Variants in MIB2 observed in about 807,000 individuals in gnomAD.
MIB2 encodes the protein E3 ubiquitin-protein ligase MIB2.
In MIB2, 78 loss-of-function variants were observed where a neutral mutation model predicts 96.6. The ratio of observed to expected loss-of-function variants is 0.81; its 90% CI spans 0.67 to 0.97. The LOEUF is 0.97. Among genes scored for constraint, MIB2 ranks in the 50% least tolerant of loss-of-function variants. The probability of loss-of-function intolerance (pLI) is 0.00; values close to 1 mark genes in which losing one functional copy is unlikely to be tolerated. For synonymous variants in MIB2, 820 were observed against 629.5 expected (o/e 1.30, Z -4.53); for missense variants, 1,543 against 1,424.0 (o/e 1.08, Z -1.35).
At position 1,626,928 on chromosome 1, in the gene MIB2, C is replaced by T. The variant is rs1330710852; in HGVS notation, c.1169C>T (p.Ser390Phe). ...GGTCAGCGGTGGACCTTCAGCCCCTCCTGCCTGGTGGCCTACCGGCCCGAG... is the reference window on the plus strand; with the variant it reads ...GGTCAGCGGTGGACCTTCAGCCCCTTCTGCCTGGTGGCCTACCGGCCCGAG... Reference protein sequence around the residue: ...VAGQRWTFSPSCLVAYRPEED... With the variant: ...VAGQRWTFSPFCLVAYRPEED... The change falls in exon 10 of 20, where the codon TCC becomes TTC. Residue 390 changes from serine (S) to phenylalanine (F), a missense_variant. Physicochemically the swap from Ser to Phe is radical, Grantham distance 155 (BLOSUM62 -2). Coordinates refer to ENST00000355826, the MANE Select transcript of MIB2 (RefSeq NM_001170687.4). The surrounding 1 kb of genome is among the most constrained non-coding windows in gnomAD (Gnocchi z 5.3). The T allele has an allele frequency of 1.9e-6, 3 of 1,610,402 alleles. No individual in the cohort carries two copies. Among genetic ancestry groups the T allele is most frequent in the Non-Finnish European group, 2.5e-6 (3 of 1,179,542 alleles).
intron 4 of MIB2, chr1:1,624,219 G>T: frequency 1.9e-6 from 1 of 519,074 alleles, no homozygotes; most frequent in Admixed American, 3.4e-5. Flanking sequence ...GCCAGCACCT[G>T]GGCTGTCTTG....
chr1:1,615,705 C>T lies in MIB2; in HGVS notation c.-130+72C>T, dbSNP rs887610564. ...CGAGTCGTTCTCCGCTCTGGCAGAA[C>T]GCGAGCGCCGTCCGGTTCCCGCTCC... On this transcript the variant is annotated intron_variant, in intron 1 of 19. Coordinates refer to ENST00000355826, the MANE Select transcript of MIB2 (RefSeq NM_001170687.4). 4.0e-6 allele frequency: 6 copies of T among 1,504,212 alleles called. No individual in the cohort carries two copies. In the South Asian group the frequency reaches 5.0e-5, roughly 13 times the overall value. 93.2% of individuals were successfully genotyped at this position (1,504,212 alleles called of 1,614,324 possible). A position where few individuals can be genotyped will look rare whatever the true frequency, so the allele number is the denominator to read the frequency against.
chr1:1,621,807 A>G (rs1226673418), intron 2 of MIB2, among the ~76,000 whole-genome samples: 1 of 152,120 alleles, frequency 6.6e-6, no homozygotes, highest in Non-Finnish European at 1.5e-5. Context: ...GATCGGGGGC[A>G]CGGATCGGGA....
chr1:1,614,010 G>A (rs538491615), upstream of MIB2: 3 of 152,200 alleles, frequency 2.0e-5, no homozygotes, highest in African/African-American at 7.2e-5. Flanking sequence ...GGCTGGCCAT[G>A]GGTTAGTAAA....
In MIB2 at chr1:1,629,637, A is replaced by G; in HGVS notation, c.2564-2A>G. The G allele has an allele frequency of 1.3e-6, 2 of 1,588,850 alleles. No homozygotes were observed. Among genetic ancestry groups the G allele is most frequent in the Non-Finnish European group, 1.7e-6 (2 of 1,168,190 alleles). Reference sequence around the variant, plus strand: ...CAGCCAACCGCGCTCTCCTCTTCGCAGAGTGCGCGCGCAGGATGAAGAAGT... The same window carrying G: ...CAGCCAACCGCGCTCTCCTCTTCGCGGAGTGCGCGCGCAGGATGAAGAAGT... On this transcript the variant is annotated splice_acceptor_variant, in intron 18 of 19. Transcript: ENST00000355826. LOFTEE classifies it high-confidence loss of function.
intron 2 of MIB2, chr1:1,616,865 A>C (rs1643769967): frequency 2.3e-6 from 1 of 433,084 alleles, no homozygotes; most frequent in Non-Finnish European, 4.1e-6. Context: ...AGCGCCGGCA[A>C]GCCTGGCCCT....
chr1:1,617,702 G>T (rs1643882473), intron 2 of MIB2: 1 of 152,204 alleles, frequency 6.6e-6, no homozygotes, highest in South Asian at 2.1e-4. Context: ...CTCGAGGCTG[G>T]TGTGTGCTCT....
rs1465833927 is a variant in MIB2, at chr1:1,615,644, G to A, written c.-130+11G>A. The A allele has an allele frequency of 1.3e-6, 2 of 1,575,360 alleles. No homozygotes were observed. The highest frequency in any genetic ancestry group is 1.7e-6 in the Non-Finnish European group (2 of 1,164,626). On this transcript the variant is annotated intron_variant, in intron 1 of 19. Transcript: ENST00000355826. ...TCCTCTCGGCTGATGGTGCGTGCGG[G>A]CGCGGATCTCCTCCCCTGGTCCTCC...
At position 1,629,299 on chromosome 1, in the gene MIB2, C is replaced by G; in HGVS notation, c.2369C>G (p.Ala790Gly). 1.3e-6 allele frequency: 2 copies of G among 1,506,218 alleles called. No homozygotes were observed. The highest frequency in any genetic ancestry group is 2.6e-5 in the East Asian group (1 of 38,308). The allele number at this position is 1,506,218 out of a possible 1,614,324, so 93.3% of individuals were successfully genotyped here. ...GRVLKALQGC[A>G]QRFRERQAGG... is the part of the protein sequence containing the mutation. ...GTGCTCAAGGCCCTTCAGGGCTGCG[C>G]CCAGCGCTTCCGGTGAGTCCGTGGA... Residue 790 changes from alanine to glycine, a missense_variant, in exon 17 of 20, where the codon GCC becomes GGC. Coordinates refer to ENST00000355826, the MANE Select transcript of MIB2 (RefSeq NM_001170687.4).
At chr1:1,615,134 C>T, upstream of MIB2, 1 of 360,862 alleles carries the variant, frequency 2.8e-6, no homozygotes. Flanking sequence ...GTGCAGAACC[C>T]GGGGCGGGAG....
intron 1 of MIB2, chr1:1,616,289 G>A: frequency 2.4e-6 from 1 of 410,040 alleles, no homozygotes; most frequent in East Asian, 5.8e-5. Context: ...TGCGAGCCGC[G>A]GCCGCCAGAC....
intron 2 of MIB2, chr1:1,616,919 C>T: frequency 3.0e-6 from 1 of 331,674 alleles, no homozygotes; most frequent in South Asian, 3.0e-5. Flanking sequence ...GGCCTGTTGC[C>T]TCACATGCAA....
rs750202320 is a variant in MIB2 at position 1,629,171 on chromosome 1, G to A, written c.2241G>A (p.Thr747=). 6.0e-4 allele frequency: 897 copies of A among 1,505,140 alleles called. 1 individual carries two copies. The highest frequency in any genetic ancestry group is 7.6e-4 in the Non-Finnish European group (861 of 1,135,232). 93.2% of individuals were successfully genotyped at this position (1,505,140 alleles called of 1,614,324 possible). A position where few individuals can be genotyped will look rare whatever the true frequency, so the allele number is the denominator to read the frequency against. Reference sequence around the variant, plus strand: ...GCCTCCCCGGCAGCGCGGAGCTGACGGTGGGCGCGGCGGTCGCCTGCTTCC... The same window carrying A: ...GCCTCCCCGGCAGCGCGGAGCTGACAGTGGGCGCGGCGGTCGCCTGCTTCC... The part of the protein sequence containing the change: ...ASGLPGSAEL[T]VGAAVACFLA... Residue 747 remains threonine (T), a synonymous_variant, in exon 17 of 20, where the codon ACG becomes ACA. Transcript: ENST00000355826.
In MIB2 at chr1:1,627,433, C is replaced by T. The variant is rs376336680; in HGVS notation, c.1512C>T (p.Tyr504=). Reference sequence around the variant, plus strand: ...ACGAGGGCAACACGGCACTGCACTACGCGGCCCTGGGGTGAGGCCTGGGAG... The same window carrying T: ...ACGAGGGCAACACGGCACTGCACTATGCGGCCCTGGGGTGAGGCCTGGGAG... ...PDDEGNTALH[Y]AALGNQPEAT... is the part of the protein sequence containing the mutation. The change falls in exon 12 of 20, where the codon TAC becomes TAT. Residue 504 remains tyrosine (Y), a synonymous_variant. Coordinates refer to ENST00000355826, the MANE Select transcript of MIB2 (RefSeq NM_001170687.4). The T allele has an allele frequency of 6.8e-6, 11 of 1,611,610 alleles. No homozygotes were observed. Among genetic ancestry groups the T allele is most frequent in the South Asian group, 5.5e-5 (5 of 90,956 alleles).
At chr1:1,628,887 C>G (rs139210787) in intron 16 of MIB2, 165 bp downstream of exon 16, 4 of 741,022 alleles carry the variant, frequency 5.4e-6, no homozygotes, top group African/African-American at 5.3e-5. Flanking sequence ...GATCCTTCAG[C>G]CTGCACCCCT....
At chr1:1,628,810 C>A in intron 16 of MIB2, 88 bp downstream of exon 16, 1 of 1,190,836 alleles carries the variant, frequency 8.4e-7, no homozygotes, top group Non-Finnish European at 1.1e-6. Context: ...GTCCACCTTC[C>A]CCTCCAGTGA....
rs753837940 is a variant in MIB2 at position 1,624,784 on chromosome 1, C to T, written c.420-11C>T. 1 of 1,609,496 alleles carries T rather than the reference C, an allele frequency of 6.2e-7. No homozygotes were observed. Among genetic ancestry groups the T allele is most frequent in the Non-Finnish European group, 8.5e-7 (1 of 1,177,524 alleles). The stretch of plus-strand genomic sequence containing the variant: ...TTCTTCTGAGAGCTTTATTTGTGAA[C>T]CCTCTTGCAGTGTCACACTGAGTCC... On this transcript the variant is annotated splice_polypyrimidine_tract_variant and intron_variant, in intron 4 of 19. Transcript: ENST00000355826.
intron 1 of MIB2, chr1:1,615,882 G>T: frequency 9.3e-7 from 1 of 1,074,220 alleles, no homozygotes; most frequent in Non-Finnish European, 1.1e-6. Context: ...GCGCGGCCCG[G>T]GGCCAGCGGC....
intron 19 of MIB2, among the ~76,000 whole-genome samples, chr1:1,629,940 C>T (rs912916053): frequency 6.7e-6 from 1 of 149,064 alleles, no homozygotes; most frequent in African/African-American, 2.5e-5. Flanking sequence ...CATCACACCC[C>T]AGCCCCGCTG....
Sources: allele counts gnomAD v4.1 joint callset (sites outside exome capture counted in the v4.1 genomes callset), GRCh38; gene constraint gnomAD v4.1.1; non-coding constraint Gnocchi (gnomAD v3.1); transcripts MANE v1.5; gene names NCBI Gene and HGNC (gene_info 2026-07-23, HGNC 2026-07-21).